The following SP140L variants were observed in gnomAD, a reference collection of about 807,000 sequenced individuals.
SP140L encodes nuclear body protein SP140-like protein.
Under a neutral mutation model 84.3 loss-of-function variants are expected in SP140L, and 64 were observed. The ratio of observed to expected loss-of-function variants is 0.76; its 90% CI spans 0.62 to 0.94. The LOEUF (loss-of-function observed/expected upper bound fraction) is 0.94, where lower values mean the gene tolerates loss of function less well. Ranked by LOEUF, SP140L falls within the 40% of genes least tolerant of loss-of-function variation. The pLI, the probability that SP140L is intolerant of heterozygous loss-of-function variation, is 0.00. For missense variants in SP140L, 628 were observed against 692.5 expected (o/e 0.91, Z 1.05); for synonymous variants, 242 against 236.9 (o/e 1.02, Z -0.20).
At chr2:230,366,912 T>C (rs1205139274) in intron 5 of SP140L, among the ~76,000 whole-genome samples, 3 of 151,950 alleles carry the variant, frequency 2.0e-5, no homozygotes, top group Non-Finnish European at 4.4e-5. Flanking sequence ...TTTTGTATTT[T>C]AGGTGAGATG....
chr2:230,400,932 C>T, intron 15 of SP140L, 23 bp from the exon 16 acceptor site: 1 of 1,470,488 alleles, frequency 6.8e-7, no homozygotes, highest in East Asian at 2.5e-5. Flanking sequence ...CTGCCCTCTG[C>T]TCACCCATGT....
intron 7 of SP140L, among the ~76,000 whole-genome samples, chr2:230,374,912 A>G (rs1016472139): frequency 2.0e-5 from 3 of 152,194 alleles, no homozygotes; most frequent in East Asian, 1.9e-4. Context: ...GCTTTATTGC[A>G]ATATTCACTT....
At chr2:230,337,432 C>A (rs1471646694) in intron 2 of SP140L, among the ~76,000 whole-genome samples, 1 of 151,920 alleles carries the variant, frequency 6.6e-6, no homozygotes, top group East Asian at 1.9e-4. Context: ...AATTTTCTCC[C>A]ATTTTGTAGG....
At chr2:230,360,958 T>G (rs1438570065) in intron 4 of SP140L, among the ~76,000 whole-genome samples, 1 of 152,152 alleles carries the variant, frequency 6.6e-6, no homozygotes, top group Non-Finnish European at 1.5e-5. Flanking sequence ...TTTAGGCATG[T>G]TTTTGGAGAT....
intron 10 of SP140L, 82 bp downstream of exon 10, chr2:230,388,715 C>T (rs2061688036): frequency 1.7e-6 from 2 of 1,196,070 alleles, no homozygotes; most frequent in Non-Finnish European, 2.3e-6. Flanking sequence ...AGTAATAAAC[C>T]TATTTCTTTA....
At chr2:230,371,808 T>A in intron 7 of SP140L, 157 bp downstream of exon 7, 1 of 669,648 alleles carries the variant, frequency 1.5e-6, no homozygotes. Flanking sequence ...TCCTAATCCC[T>A]GGACCTGTAA....
Position 230,403,179 on chromosome 2 carries a change from A to G in SP140L, c.*283A>G, listed in dbSNP as rs182038459. The stretch of plus-strand genomic sequence containing the variant: ...CTTCTCCTGAGGTCTGCTCCAGACA[A>G]CATTTATTACTCACAAGACCTTTTT... On this transcript the variant is annotated 3_prime_UTR_variant, in exon 19 of 19. Coordinates refer to ENST00000415673, the MANE Select transcript of SP140L (RefSeq NM_138402.6). The G allele has an allele frequency of 3.3e-6, 1 of 301,146 alleles. No individual in the cohort carries two copies. The highest frequency in any genetic ancestry group is 5.4e-5 in the Admixed American group (1 of 18,470). 18.7% of individuals were successfully genotyped at this position (301,146 alleles called of 1,614,324 possible).
rs1436498413 is a variant in SP140L, at chr2:230,359,110, C to T, written c.417C>T (p.His139=). The change falls in exon 4 of 19, where the codon CAC becomes CAT. Residue 139 remains histidine, a synonymous_variant. Coordinates refer to ENST00000415673, the MANE Select transcript of SP140L (RefSeq NM_138402.6). ...VNMQEYPDLI[H]IYKSFKNAIQ... ...TGCAGGAATACCCCGATTTAATTCA[C>T]ATTTATAAAAGCTTCAAAAATGGTA... 1 of 1,603,242 alleles carries T rather than the reference C, an allele frequency of 6.2e-7. No homozygotes were observed. Among genetic ancestry groups the T allele is most frequent in the Non-Finnish European group, 8.5e-7 (1 of 1,177,568 alleles).
chr2:230,383,553 G>T lies in SP140L; in HGVS notation c.681G>T (p.Thr227=). Reference sequence around the variant, plus strand: ...GCTGGAGCAGAATGGGAACGAGAACGCAGAAAAACAACCAACAAAATGGTA... The same window carrying T: ...GCTGGAGCAGAATGGGAACGAGAACTCAGAAAAACAACCAACAAAATGGTA... ...GHGWSRMGTR[T]QKNNQQNDNS... The change falls in exon 8 of 19, where the codon ACG becomes ACT. Residue 227 remains threonine (T), a synonymous_variant. Transcript: ENST00000415673. 6.2e-7 allele frequency: 1 copy of T among 1,605,302 alleles called. No homozygotes were observed. The highest frequency in any genetic ancestry group is 1.7e-5 in the Admixed American group (1 of 58,968).
intron 5 of SP140L, among the ~76,000 whole-genome samples, chr2:230,363,782 C>A (rs1189438904): frequency 1.3e-5 from 2 of 152,022 alleles, no homozygotes; most frequent in Non-Finnish European, 2.9e-5. Context: ...CTGTTTTCTT[C>A]CAGTAATTTT....
intron 2 of SP140L, among the ~76,000 whole-genome samples, chr2:230,329,723 A>T (rs1055731798): frequency 2.0e-5 from 3 of 152,204 alleles, no homozygotes; most frequent in African/African-American, 7.2e-5. Context: ...AGCCATGCAG[A>T]ACTGTGTGCC....
Position 230,396,777 on chromosome 2 carries a change from C to T in SP140L, c.1176C>T (p.Asn392=). ...RNKKRILKSQ[N]NSSVDPCMRN... ...AACAGAGAATACTGAAGTCTCAAAACAATAGCTCAGTTGACCCTTGTGTAA... is the reference window on the plus strand; with the variant it reads ...AACAGAGAATACTGAAGTCTCAAAATAATAGCTCAGTTGACCCTTGTGTAA... The change falls in exon 14 of 19, where the codon AAC becomes AAT. Residue 392 remains asparagine (N), a synonymous_variant. Transcript: ENST00000415673. 1 of 1,613,988 alleles carries T rather than the reference C, an allele frequency of 6.2e-7. No individual in the cohort carries two copies. Among genetic ancestry groups the T allele is most frequent in the Non-Finnish European group, 8.5e-7 (1 of 1,179,894 alleles).
intron 2 of SP140L, among the ~76,000 whole-genome samples, chr2:230,357,258 A>G (rs2060576489): frequency 6.6e-6 from 1 of 152,196 alleles, no homozygotes; most frequent in Admixed American, 6.5e-5. Context: ...GAAATTCTCA[A>G]TAATGTGGTA....
intron 2 of SP140L, among the ~76,000 whole-genome samples, chr2:230,354,026 C>A (rs148808832): frequency 1.8e-4 from 27 of 152,208 alleles, no homozygotes; most frequent in African/African-American, 6.3e-4. Flanking sequence ...CTTCACCAAC[C>A]CTGCTCAAAA....
chr2:230,348,422 A>G (rs748381907), intron 2 of SP140L, among the ~76,000 whole-genome samples: 7 of 152,190 alleles, frequency 4.6e-5, no homozygotes, highest in Non-Finnish European at 1.0e-4. Context: ...AGCCATTCCA[A>G]TGAATGCATA....
chr2:230,376,278 A>G (rs1472735692), intron 7 of SP140L, among the ~76,000 whole-genome samples: 1 of 152,170 alleles, frequency 6.6e-6, no homozygotes, highest in Non-Finnish European at 1.5e-5. Context: ...CAAGAAAAAA[A>G]AGTCATCCAA....
chr2:230,379,785 T>C (rs560314745), intron 7 of SP140L, among the ~76,000 whole-genome samples: 1 of 152,334 alleles, frequency 6.6e-6, no homozygotes, highest in Admixed American at 6.5e-5. Context: ...CATTGTCTTC[T>C]GGAATCTATG....
intron 5 of SP140L, among the ~76,000 whole-genome samples, chr2:230,363,278 C>A (rs950679223): frequency 6.6e-6 from 1 of 152,148 alleles, no homozygotes; most frequent in Admixed American, 6.5e-5. Flanking sequence ...ATTTACATTT[C>A]CATTAACAGT....
chr2:230,358,871 A>C lies in SP140L; in HGVS notation c.271-93A>C, dbSNP rs2060629182. 5 of 1,027,360 alleles carry C rather than the reference A, an allele frequency of 4.9e-6. No homozygotes were observed. In the Admixed American group the frequency reaches 1.0e-4, roughly 21 times the overall value. 63.6% of individuals were successfully genotyped at this position (1,027,360 alleles called of 1,614,324 possible). Reference sequence around the variant, plus strand: ...ACATGAGAAGATACCTCTGAAGAGAAATTGAAATTCAGTAACCATAAAATT... The same window carrying C: ...ACATGAGAAGATACCTCTGAAGAGACATTGAAATTCAGTAACCATAAAATT... On this transcript the variant is annotated intron_variant, in intron 3 of 18. Coordinates refer to ENST00000415673, the MANE Select transcript of SP140L (RefSeq NM_138402.6).
Sources: allele counts gnomAD v4.1 joint callset (sites outside exome capture counted in the v4.1 genomes callset), GRCh38; gene constraint gnomAD v4.1.1; transcripts MANE v1.5; gene names NCBI Gene and HGNC (gene_info 2026-07-23, HGNC 2026-07-21).